DST: variants seen among roughly 807,000 people sequenced by gnomAD.
The protein encoded by DST is dystonin.
DST carries 253 observed loss-of-function variants against 875.2 expected under a neutral mutation model. The observed-to-expected ratio is 0.29, with a 90% CI of 0.26 to 0.32. The LOEUF (loss-of-function observed/expected upper bound fraction) is 0.32. Ranked by LOEUF, DST falls within the 10% of genes least tolerant of loss-of-function variation. DST has a pLI of 1.00. For missense variants in DST, 8,287 were observed against 9,111.6 expected (o/e 0.91, Z 3.68); for synonymous variants, 3,124 against 3,197.1 (o/e 0.98, Z 0.77).
At chr6:56,677,007 T>C (rs949803702) in intron 9 of DST, among the ~76,000 whole-genome samples, 1 of 152,160 alleles carries the variant, frequency 6.6e-6, no homozygotes, top group East Asian at 1.9e-4. Context: ...TTCTTTAAAA[T>C]TTCTAAAAGA....
At chr6:56,697,532 G>A (rs2099270682) in intron 9 of DST, among the ~76,000 whole-genome samples, 1 of 152,146 alleles carries the variant, frequency 6.6e-6, no homozygotes, top group South Asian at 2.1e-4. Context: ...GGAAAGTGAT[G>A]GACGGAAAAA....
chr6:56,521,679 T>C (rs575726817), intron 69 of DST, among the ~76,000 whole-genome samples: 34 of 149,152 alleles, frequency 2.3e-4, no homozygotes, highest in Admixed American at 8.0e-4. Flanking sequence ...AAAATTAAAT[T>C]ATCAAATATT....
chr6:56,511,173 T>A (rs181110339), intron 73 of DST, 24 bp downstream of exon 73: 2 of 1,552,906 alleles, frequency 1.3e-6, no homozygotes, highest in Non-Finnish European at 8.7e-7. Context: ...AGAACCCAAT[T>A]CTATATCTAG....
At position 56,714,266 on chromosome 6, in the gene DST, C is replaced by T. The variant is rs550296796; in HGVS notation, c.688-9897G>A. Among the ~76,000 whole-genome samples, 1 of 152,298 alleles carries T rather than the reference C, an allele frequency of 6.6e-6. No individual in the cohort carries two copies. Among genetic ancestry groups the T allele is most frequent in the East Asian group, 1.9e-4 (1 of 5,186 alleles). ...TTTAATTACTTAATTAAAAATTTGA[C>T]AGATGCTATATACACTCCTGTTAAA... is the stretch of plus-strand genomic sequence containing the variant. On this transcript the variant is annotated intron_variant, in intron 5 of 103. Transcript: ENST00000680361. The surrounding 1 kb of genome is among the most constrained non-coding windows in gnomAD (Gnocchi z 4.5).
At chr6:56,459,993 G>T in intron 103 of DST, 138 bp downstream of exon 103, 1 of 1,042,698 alleles carries the variant, frequency 9.6e-7, no homozygotes, top group Non-Finnish European at 1.3e-6. Flanking sequence ...AACTTTTGGA[G>T]GACTGGGGCT....
chr6:56,822,988 C>A (rs1290241163), intron 4 of DST, among the ~76,000 whole-genome samples: 1 of 151,834 alleles, frequency 6.6e-6, no homozygotes, highest in Non-Finnish European at 1.5e-5. Flanking sequence ...CGCTACCAAG[C>A]CTGGCTAATT....
At position 56,897,296 on chromosome 6, in the gene DST, G is replaced by GT. The variant is rs34314335; in HGVS notation, c.417+3124dup. 1.3e-3 allele frequency among the ~76,000 whole-genome samples: 151 copies of GT among 119,884 alleles called. 1 individual carries two copies. Among genetic ancestry groups the GT allele is most frequent in the Non-Finnish European group, 1.5e-3 (89 of 58,032 alleles). 78.6% of individuals were successfully genotyped at this position (119,884 alleles called of 152,430 possible). ...ATATCTTGGCAAAGAATACTAAGTG[G>GT]TTTTTTTTTGGGGGGGGGGTTGTTT... On this transcript the variant is annotated intron_variant, in intron 3 of 103. Transcript: ENST00000680361.
chr6:56,594,126 A>C lies in DST; in HGVS notation c.12263T>G (p.Leu4088Trp), dbSNP rs1475870885. The C allele has an allele frequency of 1.9e-5, 30 of 1,601,230 alleles. No homozygotes were observed. Among genetic ancestry groups the C allele is most frequent in the Non-Finnish European group, 2.6e-5 (30 of 1,175,346 alleles). Residue 4088 changes from leucine (L) to tryptophan (W), a missense_variant, in exon 48 of 104, where the codon TTG (leucine) becomes TGG (tryptophan). This residue lies in a region of DST where 1,513 missense variants were observed against 1,677.8 expected (regional missense o/e 0.90). Transcript: ENST00000680361. ...GAGATACTGACCCTGTTTCTCAAGCAACACTTGTGCAGACTGAGTGGCTAT... is the reference window on the plus strand; with the variant it reads ...GAGATACTGACCCTGTTTCTCAAGCCACACTTGTGCAGACTGAGTGGCTAT... ...VIIATQSAQVLLEKQGQYLSP... is the reference protein window; with the variant it reads ...VIIATQSAQVWLEKQGQYLSP...
At chr6:56,920,406 C>T (rs1023693412) in intron 2 of DST, among the ~76,000 whole-genome samples, 1 of 152,208 alleles carries the variant, frequency 6.6e-6, no homozygotes, top group African/African-American at 2.4e-5. Context: ...TAGAGTCACA[C>T]ACATCTGCAT....
chr6:56,801,569 A>G (rs9382665), intron 4 of DST, among the ~76,000 whole-genome samples: 11,293 of 152,128 alleles, frequency 0.074, 594 homozygotes, highest in Non-Finnish European at 0.11. Flanking sequence ...CCAACCCGCC[A>G]AATATGTAAC....
intron 8 of DST, among the ~76,000 whole-genome samples, chr6:56,700,472 T>C (rs979975956): frequency 6.6e-6 from 1 of 152,214 alleles, no homozygotes; most frequent in African/African-American, 2.4e-5. Context: ...ATCCTAACAA[T>C]TCTAACAATT....
intron 4 of DST, 126 bp from the exon 5 acceptor site, chr6:56,735,415 G>C: frequency 1.5e-6 from 1 of 685,332 alleles, no homozygotes; most frequent in Admixed American, 3.0e-5. Flanking sequence ...AAAGTTTCTT[G>C]TTAAATTTTG....
chr6:56,789,006 C>T (rs1177617285), intron 4 of DST, among the ~76,000 whole-genome samples: 1 of 152,014 alleles, frequency 6.6e-6, no homozygotes, highest in Non-Finnish European at 1.5e-5. Context: ...TTAAATGGTA[C>T]AATATGAAAT....
rs1001048592 is a variant in DST at position 56,791,134 on chromosome 6, C to T, written c.626-55845G>A. On this transcript the variant is annotated intron_variant, in intron 4 of 103. Coordinates refer to ENST00000680361, the MANE Select transcript of DST (RefSeq NM_001374736.1). ...ATGTATCCTTACACGAATCCTTTAT[C>T]CTTTATCATTTTCCAGTAGCCTGAA... is the stretch of plus-strand genomic sequence containing the variant. Among the ~76,000 whole-genome samples the T allele has an allele frequency of 2.0e-5, 3 of 152,192 alleles. No homozygotes were observed. In the South Asian group the frequency reaches 6.2e-4, roughly 32 times the overall value.
intron 2 of DST, among the ~76,000 whole-genome samples, chr6:56,939,856 C>T (rs1815402544): frequency 6.6e-6 from 1 of 151,892 alleles, no homozygotes; most frequent in South Asian, 2.1e-4. Flanking sequence ...GAAACCCTGT[C>T]TCTACTAAAA....
chr6:56,705,769 G>A (rs1015835043), intron 5 of DST, among the ~76,000 whole-genome samples: 3 of 152,130 alleles, frequency 2.0e-5, no homozygotes, highest in Non-Finnish European at 4.4e-5. Context: ...AGGCTCAATA[G>A]CTCTACCACA....
In DST at chr6:56,664,992, C is replaced by A. The variant is rs142746493; in HGVS notation, c.1214+5649G>T. On this transcript the variant is annotated intron_variant, in intron 10 of 103. Transcript: ENST00000680361. The stretch of plus-strand genomic sequence containing the variant: ...ATTTAAATAGAAGCTATAGAACTAT[C>A]CCTTGCAATCTCTTCCACTAAATCA... Among the ~76,000 whole-genome samples, 4 of 152,282 alleles carry A rather than the reference C, an allele frequency of 2.6e-5. No individual in the cohort carries two copies. The East Asian group carries it at 7.7e-4, about 29-fold the overall frequency.
At chr6:56,472,957 G>A (rs940773708) in intron 93 of DST, among the ~76,000 whole-genome samples, 1 of 152,204 alleles carries the variant, frequency 6.6e-6, no homozygotes, top group African/African-American at 2.4e-5. Flanking sequence ...GGGTCATATA[G>A]AATGTTAAGT....
intron 45 of DST, among the ~76,000 whole-genome samples, chr6:56,599,563 C>T (rs2098423633): frequency 6.6e-6 from 1 of 152,028 alleles, no homozygotes; most frequent in African/African-American, 2.4e-5. Flanking sequence ...GAATCTGAAC[C>T]AGGAGCTATC....
Sources: allele counts gnomAD v4.1 joint callset (sites outside exome capture counted in the v4.1 genomes callset), GRCh38; gene constraint gnomAD v4.1.1; regional missense constraint gnomAD v4.1.1; non-coding constraint Gnocchi (gnomAD v3.1); transcripts MANE v1.5; gene names NCBI Gene and HGNC (gene_info 2026-07-23, HGNC 2026-07-21).